WDR49: variants seen among roughly 807,000 people sequenced by gnomAD.
The protein encoded by WDR49 is cilia- and flagella-associated protein 337.
In WDR49, 107 loss-of-function variants were observed where a neutral mutation model predicts 119.5. The ratio of observed to expected loss-of-function variants is 0.90; its 90% CI spans 0.77 to 1.05. The LOEUF is 1.05. Among genes scored for constraint, WDR49 ranks in the 50% least tolerant of loss-of-function variants. The pLI is 0.00. For synonymous variants in WDR49, 425 were observed against 418.8 expected (o/e 1.01, Z -0.18); for missense variants, 1,240 against 1,220.5 (o/e 1.02, Z -0.24).
intron 17 of WDR49, among the ~76,000 whole-genome samples, chr3:167,504,681 G>T (rs1039903345): frequency 6.6e-6 from 1 of 152,254 alleles, no homozygotes; most frequent in Admixed American, 6.5e-5. Context: ...ATGGGAGAAG[G>T]ACATGAGATT....
chr3:167,559,996 G>A, intron 9 of WDR49, 68 bp downstream of exon 9: 1 of 1,542,176 alleles, frequency 6.5e-7, no homozygotes, highest in Non-Finnish European at 8.8e-7. Flanking sequence ...AATATCTATA[G>A]CCATGTCTTC....
Position 167,531,187 on chromosome 3 carries a change from T to G in WDR49, c.2146A>C (p.Ile716Leu), listed in dbSNP as rs1304833566. Residue 716 changes from isoleucine to leucine, a missense_variant, in exon 13 of 19, where the codon ATT becomes CTT. Ile to Leu is a conservative substitution (Grantham distance 5). Coordinates refer to ENST00000682715, the MANE Select transcript of WDR49 (RefSeq NM_001366157.1). ...ACAGCATTTTTGCCCTCAGTGTCAA[T>G]CTCAAAGTTGCGGACTCCCGTGGTA... ...HSTTGVRNFE[I>L]DTEGKNAVMR... The G allele has an allele frequency of 6.2e-7, 1 of 1,612,106 alleles. No homozygotes were observed. The highest frequency in any genetic ancestry group is 8.5e-7 in the Non-Finnish European group (1 of 1,179,580).
chr3:167,517,098 A>T lies in WDR49; in HGVS notation c.2774+5217T>A, dbSNP rs1481792908. ...GCTGGAGAGGATGTGGGTAAATAGG[A>T]ACACTTTTACACTGTTGGTGGGACT... On this transcript the variant is annotated intron_variant, in intron 16 of 18. Coordinates refer to ENST00000682715, the MANE Select transcript of WDR49 (RefSeq NM_001366157.1). 2.6e-5 allele frequency among the ~76,000 whole-genome samples: 4 copies of T among 152,300 alleles called. No homozygotes were observed. The East Asian group carries it at 5.8e-4, about 22-fold the overall frequency.
At chr3:167,619,517 T>G (rs1312661011) in intron 5 of WDR49, among the ~76,000 whole-genome samples, 1 of 152,156 alleles carries the variant, frequency 6.6e-6, no homozygotes, top group Non-Finnish European at 1.5e-5. Context: ...TAGGAAATTC[T>G]TACTGTGGGC....
intron 8 of WDR49, among the ~76,000 whole-genome samples, chr3:167,572,513 C>A (rs1180059752): frequency 2.0e-5 from 3 of 152,130 alleles, no homozygotes; most frequent in Non-Finnish European, 4.4e-5. Context: ...GCCAAATAAC[C>A]AAAGATCAAG....
At chr3:167,636,196 A>G (rs1364553288) in intron 2 of WDR49, among the ~76,000 whole-genome samples, 1 of 151,678 alleles carries the variant, frequency 6.6e-6, no homozygotes, top group Non-Finnish European at 1.5e-5. Context: ...GCTTCCACTT[A>G]TGAGTGAGAA....
chr3:167,600,787 A>C (rs1715734785), intron 7 of WDR49, among the ~76,000 whole-genome samples: 2 of 152,222 alleles, frequency 1.3e-5, no homozygotes, highest in Non-Finnish European at 2.9e-5. Flanking sequence ...GAAGACAGGG[A>C]ATTGAAGGCA....
intron 7 of WDR49, among the ~76,000 whole-genome samples, chr3:167,588,424 A>G (rs1714927396): frequency 6.6e-6 from 1 of 152,182 alleles, no homozygotes; most frequent in African/African-American, 2.4e-5. Context: ...GGAAGTGCAG[A>G]TATCTATACG....
intron 2 of WDR49, among the ~76,000 whole-genome samples, chr3:167,643,017 C>G (rs1717955692): frequency 6.6e-6 from 1 of 151,926 alleles, no homozygotes; most frequent in Non-Finnish European, 1.5e-5. Context: ...AGAAAAATGC[C>G]ATACTGAAAA....
intron 5 of WDR49, among the ~76,000 whole-genome samples, chr3:167,609,937 C>G (rs186179831): frequency 1.2e-4 from 18 of 152,306 alleles, no homozygotes; most frequent in Admixed American, 1.1e-3. Context: ...TCTACACAAC[C>G]TGGGCCGGAA....
intron 10 of WDR49, among the ~76,000 whole-genome samples, 198 bp downstream of exon 10, chr3:167,554,452 A>G (rs1200196863): frequency 2.0e-5 from 3 of 152,178 alleles, no homozygotes; most frequent in African/African-American, 7.2e-5. Context: ...CCAAAGCCAG[A>G]AGAAAACCTA....
At chr3:167,606,899 T>A (rs759147143) in intron 5 of WDR49, among the ~76,000 whole-genome samples, 2 of 152,140 alleles carry the variant, frequency 1.3e-5, no homozygotes. Context: ...TAGATTTACA[T>A]GACACAGGAA....
At chr3:167,529,385 C>T (rs761245077) in intron 13 of WDR49, 146 bp from the exon 14 acceptor site, 4 of 664,794 alleles carry the variant, frequency 6.0e-6, no homozygotes, top group Non-Finnish European at 9.7e-6. Context: ...TTAATTTTCT[C>T]AAATATAAAA....
At chr3:167,614,340 C>T (rs906968667) in intron 5 of WDR49, among the ~76,000 whole-genome samples, 11 of 152,152 alleles carry the variant, frequency 7.2e-5, no homozygotes, top group African/African-American at 1.9e-4. Flanking sequence ...CTCAGGTGAT[C>T]CGCCCACCTC....
At chr3:167,529,620 C>T (rs1022679384) in intron 13 of WDR49, among the ~76,000 whole-genome samples, 1 of 151,904 alleles carries the variant, frequency 6.6e-6, no homozygotes, top group Non-Finnish European at 1.5e-5. Context: ...CCCTAATAAC[C>T]CACTGGACAT....
At chr3:167,613,239 T>C (rs183787581) in intron 5 of WDR49, among the ~76,000 whole-genome samples, 1 of 152,348 alleles carries the variant, frequency 6.6e-6, no homozygotes, top group Non-Finnish European at 1.5e-5. Context: ...GTATCTATTC[T>C]ATCTTTAAAA....
chr3:167,572,123 G>C (rs758332937), intron 8 of WDR49, among the ~76,000 whole-genome samples: 1 of 152,158 alleles, frequency 6.6e-6, no homozygotes, highest in Non-Finnish European at 1.5e-5. Context: ...CATTAGATCT[G>C]CCTCCAGGAT....
At chr3:167,494,997 T>C (rs1342074369) in intron 18 of WDR49, among the ~76,000 whole-genome samples, 1 of 152,150 alleles carries the variant, frequency 6.6e-6, no homozygotes, top group Non-Finnish European at 1.5e-5. Flanking sequence ...GTCATCAGTG[T>C]CTCATTCTCT....
chr3:167,593,757 T>C (rs1219021295), intron 7 of WDR49, among the ~76,000 whole-genome samples: 1 of 152,098 alleles, frequency 6.6e-6, no homozygotes, highest in Non-Finnish European at 1.5e-5. Flanking sequence ...TATGGTTGGC[T>C]CTGTGTTCCC....
Sources: allele counts gnomAD v4.1 joint callset (sites outside exome capture counted in the v4.1 genomes callset), GRCh38; gene constraint gnomAD v4.1.1; transcripts MANE v1.5; gene names NCBI Gene and HGNC (gene_info 2026-07-23, HGNC 2026-07-21).